The following POLR3A variants were observed in gnomAD, a reference collection of about 807,000 sequenced individuals.
POLR3A encodes the protein DNA-directed RNA polymerase III subunit RPC1.
POLR3A carries 112 observed loss-of-function variants against 152.8 expected under a neutral mutation model. That is an observed-to-expected ratio of 0.73 (90% CI 0.63 to 0.86). POLR3A has a LOEUF of 0.86. POLR3A is among the 40% of genes least tolerant of loss of function. POLR3A has a pLI of 0.00. For synonymous variants in POLR3A, 615 were observed against 652.1 expected, an observed-to-expected ratio of 0.94 and a Z score of 0.87; for missense variants, 1,385 against 1,743.1, an observed-to-expected ratio of 0.79 and a Z score of 3.66.
At chr10:78,029,238 A>G in intron 1 of POLR3A, 126 bp downstream of exon 1, 1 of 957,630 alleles carries the variant, frequency 1.0e-6, no homozygotes, top group South Asian at 1.3e-5. Flanking sequence ...CGCTGGTCAC[A>G]CCTATGGACT....
chr10:78,024,134 C>T (rs118185548), intron 5 of POLR3A, among the ~76,000 whole-genome samples: 2,731 of 152,082 alleles, frequency 0.018, 32 homozygotes, highest in Non-Finnish European at 0.026. Context: ...GAGGCTGAGG[C>T]GACTGGATCA....
chr10:77,979,437 G>A (rs888583238), intron 30 of POLR3A, among the ~76,000 whole-genome samples: 2 of 152,190 alleles, frequency 1.3e-5, no homozygotes, highest in Non-Finnish European at 2.9e-5. Flanking sequence ...AGAAAGGCTC[G>A]AGCAAAGCTC....
At chr10:77,983,834 C>A in intron 26 of POLR3A, 86 bp downstream of exon 26, 1 of 825,320 alleles carries the variant, frequency 1.2e-6, no homozygotes. Context: ...CTTCCTCTGT[C>A]TTGCTTAGCT....
Position 77,982,945 on chromosome 10 carries a change from A to C in POLR3A, c.3430-128T>G, listed in dbSNP as rs995560372. On this transcript the variant is annotated intron_variant, in intron 26 of 30. Coordinates refer to ENST00000372371, the MANE Select transcript of POLR3A (RefSeq NM_007055.4). ...CACCCCCCACCCGCACCATGAAATT[A>C]ATACCATAAATATGCTACATATGTT... is the stretch of plus-strand genomic sequence containing the variant. 24 of 737,538 alleles carry C rather than the reference A, an allele frequency of 3.3e-5. No individual in the cohort carries two copies. In the African/African-American group the frequency reaches 4.2e-4, roughly 13 times the overall value. 45.7% of individuals were successfully genotyped at this position (737,538 alleles called of 1,614,324 possible).
chr10:77,989,958 C>T (rs904947379), intron 21 of POLR3A, among the ~76,000 whole-genome samples: 4 of 152,194 alleles, frequency 2.6e-5, no homozygotes, highest in South Asian at 2.1e-4. Flanking sequence ...CCTTTCACAC[C>T]TTGACACATG....
Position 78,009,587 on chromosome 10 carries a change from T to C in POLR3A, c.1859A>G (p.Lys620Arg), listed in dbSNP as rs779323230. ...CCCTTTGCCACAGTACTGCTTGCCC[T>C]TGGTTCGCAGGTTGGCCCTCACTGG... ...DNPVRANLRT[K>R]GKQYCGKGED... The change falls in exon 14 of 31, where the codon AAG (lysine) becomes AGG (arginine). Residue 620 changes from lysine to arginine, a missense_variant. Physicochemically the swap from Lys to Arg is conservative, Grantham distance 26. Transcript: ENST00000372371. 1 of 1,614,202 alleles carries C rather than the reference T, an allele frequency of 6.2e-7. No homozygotes were observed. The highest frequency in any genetic ancestry group is 8.5e-7 in the Non-Finnish European group (1 of 1,180,044).
At chr10:77,994,346 C>T (rs1171756908) in intron 19 of POLR3A, among the ~76,000 whole-genome samples, 1 of 152,168 alleles carries the variant, frequency 6.6e-6, no homozygotes, top group Non-Finnish European at 1.5e-5. Flanking sequence ...CACTCATTCA[C>T]ATCTCTGGTT....
Position 77,982,003 on chromosome 10 carries a change from C to T in POLR3A, c.3759+151G>A, listed in dbSNP as rs374672562. On this transcript the variant is annotated intron_variant, in intron 28 of 30. Coordinates refer to ENST00000372371, the MANE Select transcript of POLR3A (RefSeq NM_007055.4). ...GCAGTGAGCAGAGATCACGCCACTG[C>T]ACTCCAGCCTGGGCAACAGAGCAAG... 2.0e-5 allele frequency: 12 copies of T among 610,496 alleles called. No individual in the cohort carries two copies. The East Asian group carries it at 3.5e-4, about 18-fold the overall frequency. 37.8% of individuals were successfully genotyped at this position (610,496 alleles called of 1,614,324 possible).
Position 78,022,242 on chromosome 10 carries a change from C to G in POLR3A, c.788G>C (p.Arg263Thr), listed in dbSNP as rs769036867. ...CTTCAAATCACTCACAACGGAGGGT[C>G]TGATACACAAAGGAGGCACCAAAAG... The part of the protein sequence containing the change: ...TRLLVPPLCI[R>T]PSVVSDLKSG... The change falls in exon 6 of 31, where the codon AGA (arginine) becomes ACA (threonine). Residue 263 changes from arginine (R) to threonine (T), a missense_variant. Physicochemically the swap from Arg to Thr is moderately conservative, Grantham distance 71. Around this residue, in one of 7 missense-constraint regions of POLR3A, gnomAD observed 493 missense variants for 647.5 expected, o/e 0.76. Coordinates refer to ENST00000372371, the MANE Select transcript of POLR3A (RefSeq NM_007055.4). The G allele has an allele frequency of 6.2e-7, 1 of 1,614,218 alleles. No individual in the cohort carries two copies. The highest frequency in any genetic ancestry group is 8.5e-7 in the Non-Finnish European group (1 of 1,180,030).
In POLR3A at chr10:78,013,662, A is replaced by G. The variant is rs1847488336; in HGVS notation, c.1560T>C (p.Leu520=). 1 of 1,613,982 alleles carries G rather than the reference A, an allele frequency of 6.2e-7. No individual in the cohort carries two copies. The highest frequency in any genetic ancestry group is 1.3e-5 in the African/African-American group (1 of 74,904). Residue 520 remains leucine (L), a synonymous_variant, in exon 11 of 31, where the codon CTT becomes CTC. Coordinates refer to ENST00000372371, the MANE Select transcript of POLR3A (RefSeq NM_007055.4). ...PQTEEAKAEA[L]VLMGTKANLV... is the part of the protein sequence containing the mutation. ...CCACCCTACATACCCCCATCAGAAC[A>G]AGGGCCTCTGCTTTAGCTTCTTCTG... is the stretch of plus-strand genomic sequence containing the variant.
intron 19 of POLR3A, among the ~76,000 whole-genome samples, chr10:77,998,850 A>T (rs1297477075): frequency 6.6e-6 from 1 of 152,234 alleles, no homozygotes; most frequent in Non-Finnish European, 1.5e-5. Flanking sequence ...ACACATGCAC[A>T]TGTATGTTTA....
At chr10:77,984,072 G>C (rs559758103) in intron 25 of POLR3A, 60 bp from the exon 26 acceptor site, 9 of 1,357,646 alleles carry the variant, frequency 6.6e-6, no homozygotes, top group African/African-American at 4.3e-5. Context: ...AAGAGCACAC[G>C]ACTGCTTGCT....
intron 9 of POLR3A, among the ~76,000 whole-genome samples, chr10:78,017,947 G>C (rs1847540541): frequency 6.6e-6 from 1 of 151,368 alleles, no homozygotes; most frequent in South Asian, 2.1e-4. Flanking sequence ...GCTGAGATGG[G>C]CGGACTGCTT....
At chr10:77,997,881 T>A (rs1421332147) in intron 19 of POLR3A, among the ~76,000 whole-genome samples, 1 of 147,214 alleles carries the variant, frequency 6.8e-6, no homozygotes, top group Admixed American at 6.7e-5. Flanking sequence ...CCTGGAGGCA[T>A]CACGCTACCT....
chr10:78,001,187 C>T, intron 17 of POLR3A, 93 bp from the exon 18 acceptor site: 1 of 708,520 alleles, frequency 1.4e-6, no homozygotes. Context: ...GGAATAGGCC[C>T]TTATGCTCAA....
rs1298809716 is a variant in POLR3A, at chr10:77,976,082, G to T, written c.*1396C>A. On this transcript the variant is annotated 3_prime_UTR_variant, in exon 31 of 31. Coordinates refer to ENST00000372371, the MANE Select transcript of POLR3A (RefSeq NM_007055.4). ...CTTGTAGATGCAGGGAAATCAAAAG[G>T]TCAAACTATAATTTTTTATAAAAAC... 6.6e-6 allele frequency: 1 copy of T among 151,722 alleles called. No individual in the cohort carries two copies. The highest frequency in any genetic ancestry group is 1.5e-5 in the Non-Finnish European group (1 of 67,924). 9.4% of individuals were successfully genotyped at this position (151,722 alleles called of 1,614,324 possible).
At chr10:78,013,928 T>C (rs1847491506) in intron 10 of POLR3A, 138 bp from the exon 11 acceptor site, 1 of 959,376 alleles carries the variant, frequency 1.0e-6, no homozygotes, top group African/African-American at 1.6e-5. Context: ...GTATGTTCTG[T>C]CAAGTGATAT....
chr10:78,015,397 G>A (rs564073541), intron 10 of POLR3A, among the ~76,000 whole-genome samples: 7 of 152,066 alleles, frequency 4.6e-5, no homozygotes, highest in African/African-American at 1.7e-4. Flanking sequence ...GCGCAATCTC[G>A]GCTCACTGCA....
At chr10:78,001,198 T>G (rs1313086200) in intron 17 of POLR3A, 104 bp from the exon 18 acceptor site, 1 of 676,432 alleles carries the variant, frequency 1.5e-6, no homozygotes, top group African/African-American at 1.8e-5. Flanking sequence ...TTATGCTCAA[T>G]GAGGTCATGG....
Sources: allele counts gnomAD v4.1 joint callset (sites outside exome capture counted in the v4.1 genomes callset), GRCh38; gene constraint gnomAD v4.1.1; regional missense constraint gnomAD v4.1.1; transcripts MANE v1.5; gene names NCBI Gene and HGNC (gene_info 2026-07-23, HGNC 2026-07-21).